Variants in MAF observed in about 807,000 individuals in gnomAD.
The protein encoded by MAF is MAF bZIP transcription factor.
A neutral mutation model predicts 22.0 loss-of-function variants in MAF; 10 were observed. The ratio of observed to expected loss-of-function variants is 0.45; its 90% CI spans 0.28 to 0.77. The LOEUF is 0.77. Ranked by LOEUF, MAF falls within the 30% of genes least tolerant of loss-of-function variation. MAF has a pLI of 0.12. For synonymous variants in MAF, 337 were observed against 255.8 expected, an observed-to-expected ratio of 1.32 and a Z score of -3.03; for missense variants, 544 against 548.4, an observed-to-expected ratio of 0.99 and a Z score of 0.08.
downstream of MAF, among the ~76,000 whole-genome samples, chr16:79,585,576 T>C (rs1477836098): frequency 6.6e-6 from 1 of 152,184 alleles, no homozygotes; most frequent in East Asian, 1.9e-4. Context: ...AGATCTGAGA[T>C]CTACTCAAAC....
At chr16:79,202,648 T>A in the MAF span, 9 of 152,328 alleles carry the variant, frequency 5.9e-5, 1 homozygote, top group Admixed American at 2.6e-4. Flanking sequence ...TAATTTCTAT[T>A]CAGCTTTAAA....
the MAF span, among the ~76,000 whole-genome samples, chr16:79,493,129 TCTG>T: frequency 3.7e-5 from 1 of 27,360 alleles, no homozygotes; most frequent in Non-Finnish European, 1.5e-4. Context: ...AGCTAATCTT[TCTG>T]TTTTTTTTTT....
At chr16:79,213,119 G>C in the MAF span, among the ~76,000 whole-genome samples, 6 of 152,154 alleles carry the variant, frequency 3.9e-5, no homozygotes, top group African/African-American at 1.4e-4. Context: ...ATGATTTCCA[G>C]CCCGTTCCAG....
At chr16:79,493,132 G>GTTT in the MAF span, among the ~76,000 whole-genome samples, 19 of 140,852 alleles carry the variant, frequency 1.3e-4, no homozygotes, top group South Asian at 6.5e-4. Context: ...TAATCTTTCT[G>GTTT]TTTTTTTTTT....
chr16:79,243,597 C>A, the MAF span, among the ~76,000 whole-genome samples: 1 of 151,914 alleles, frequency 6.6e-6, no homozygotes, highest in Non-Finnish European at 1.5e-5. Flanking sequence ...GAAAAAAAGT[C>A]TAGGACCAGA....
the MAF span, among the ~76,000 whole-genome samples, chr16:79,401,522 C>T: frequency 1.2e-4 from 19 of 152,204 alleles, no homozygotes; most frequent in South Asian, 2.9e-3. Context: ...AGGGAGAGCT[C>T]CTCCCTTTAA....
At chr16:79,511,461 A>G in the MAF span, among the ~76,000 whole-genome samples, 1 of 152,154 alleles carries the variant, frequency 6.6e-6, no homozygotes, top group Non-Finnish European at 1.5e-5. Flanking sequence ...CAGACTGCCC[A>G]GGAAAGTTTT....
the MAF span, among the ~76,000 whole-genome samples, chr16:79,343,147 G>A: frequency 1.3e-5 from 2 of 152,076 alleles, no homozygotes; most frequent in Non-Finnish European, 2.9e-5. Context: ...GTCCCTTCGG[G>A]TGACATTGTA....
At chr16:79,339,354 C>T in the MAF span, among the ~76,000 whole-genome samples, 6 of 152,190 alleles carry the variant, frequency 3.9e-5, no homozygotes, top group Admixed American at 6.5e-5. Flanking sequence ...CCACCGCACC[C>T]GGCCTGGGTC....
chr16:79,418,703 G>A, the MAF span, among the ~76,000 whole-genome samples: 5 of 152,204 alleles, frequency 3.3e-5, no homozygotes, highest in Non-Finnish European at 7.4e-5. Context: ...ATCCCCGGGC[G>A]CCTACCATAT....
chr16:79,331,143 G>A, the MAF span, among the ~76,000 whole-genome samples: 2 of 152,168 alleles, frequency 1.3e-5, no homozygotes, highest in South Asian at 4.1e-4. Flanking sequence ...GATCCACAAT[G>A]AAATCAAGTC....
chr16:79,430,921 G>C, the MAF span, among the ~76,000 whole-genome samples: 2 of 152,166 alleles, frequency 1.3e-5, no homozygotes, highest in Non-Finnish European at 2.9e-5. Context: ...CAAGAACTTG[G>C]GTTGGGGCAG....
At chr16:79,499,195 A>G in the MAF span, among the ~76,000 whole-genome samples, 19 of 152,050 alleles carry the variant, frequency 1.2e-4, no homozygotes, top group East Asian at 3.7e-3. Flanking sequence ...CAGCAAGCAT[A>G]TATTGCTAGC....
chr16:79,414,241 G>C, the MAF span, among the ~76,000 whole-genome samples: 9 of 152,168 alleles, frequency 5.9e-5, no homozygotes, highest in Admixed American at 5.2e-4. Flanking sequence ...AATTCACAAA[G>C]AAAAGAGATT....
the MAF span, among the ~76,000 whole-genome samples, chr16:79,317,745 T>G: frequency 6.6e-6 from 1 of 152,210 alleles, no homozygotes; most frequent in Non-Finnish European, 1.5e-5. Flanking sequence ...CATGCCTGGC[T>G]GCCGATTTGC....
At chr16:79,445,600 A>C in the MAF span, among the ~76,000 whole-genome samples, 229 of 152,276 alleles carry the variant, frequency 1.5e-3, 1 homozygote, top group African/African-American at 5.2e-3. Context: ...GGCCAGGGCC[A>C]CTCACAGACC....
the MAF span, among the ~76,000 whole-genome samples, chr16:79,239,079 G>A: frequency 6.6e-6 from 1 of 151,992 alleles, no homozygotes; most frequent in Non-Finnish European, 1.5e-5. Flanking sequence ...GTAGTTTGCA[G>A]CTCTGGCCAA....
chr16:79,556,432 G>A, the MAF span, among the ~76,000 whole-genome samples: 1 of 152,156 alleles, frequency 6.6e-6, no homozygotes, highest in Non-Finnish European at 1.5e-5. Context: ...GAGTTGTATT[G>A]GGTTTCTGCT....
At chr16:79,328,550 C>T in the MAF span, among the ~76,000 whole-genome samples, 1 of 152,152 alleles carries the variant, frequency 6.6e-6, no homozygotes, top group Non-Finnish European at 1.5e-5. Context: ...AATATGAGAG[C>T]AAGAGGGAGC....
Sources: allele counts gnomAD v4.1 joint callset (sites outside exome capture counted in the v4.1 genomes callset), GRCh38; gene constraint gnomAD v4.1.1; transcripts MANE v1.5; gene names NCBI Gene and HGNC (gene_info 2026-07-23, HGNC 2026-07-21).